Variants in CERS3 observed in about 807,000 individuals in gnomAD.
CERS3 encodes LAG1 homolog, ceramide synthase 3.
Under a neutral mutation model 50.3 loss-of-function variants are expected in CERS3, and 33 were observed. The ratio of observed to expected loss-of-function variants is 0.66; its 90% CI spans 0.50 to 0.88. CERS3 has a LOEUF of 0.88. Ranked by LOEUF, CERS3 falls within the 40% of genes least tolerant of loss-of-function variation. CERS3 has a pLI of 0.00. For synonymous variants in CERS3, 176 were observed against 155.2 expected (o/e 1.13, Z -0.99); for missense variants, 470 against 460.3 (o/e 1.02, Z -0.19).
At chr15:100,434,544 T>G (rs2033300247) in intron 11 of CERS3, among the ~76,000 whole-genome samples, 1 of 152,240 alleles carries the variant, frequency 6.6e-6, no homozygotes, top group African/African-American at 2.4e-5. Flanking sequence ...AGGTTTCTTT[T>G]GTGTCACACA....
intron 2 of CERS3, among the ~76,000 whole-genome samples, chr15:100,511,822 C>T (rs113944478): frequency 2.2e-4 from 3 of 13,400 alleles, no homozygotes; most frequent in South Asian, 2.8e-3. Flanking sequence ...CATAAGTCCA[C>T]TGGGAGCCTG....
chr15:100,519,158 CAA>C (rs11303130), intron 2 of CERS3, among the ~76,000 whole-genome samples: 129 of 144,552 alleles, frequency 8.9e-4, no homozygotes, highest in Admixed American at 1.3e-3. Flanking sequence ...GACTCCATCT[CAA>C]AAAAAAAAAA....
chr15:100,469,499 G>T lies in CERS3; in HGVS notation c.739-15C>A. 1 of 1,533,464 alleles carries T rather than the reference G, an allele frequency of 6.5e-7. No homozygotes were observed. The highest frequency in any genetic ancestry group is 9.0e-7 in the Non-Finnish European group (1 of 1,111,766). 95.0% of individuals were successfully genotyped at this position (1,533,464 alleles called of 1,614,324 possible). A position where few individuals can be genotyped will look rare whatever the true frequency, so the allele number is the denominator to read the frequency against. ...ATCTTAGCAGACTGCAAAAAAGAAA[G>T]AAACTGCAGATAAAGTGACAATAGC... On this transcript the variant is annotated splice_polypyrimidine_tract_variant and intron_variant, in intron 9 of 11. Coordinates refer to ENST00000679737, the MANE Select transcript of CERS3 (RefSeq NM_001378789.1).
chr15:100,449,829 T>C (rs1282554717), intron 11 of CERS3, among the ~76,000 whole-genome samples: 1 of 148,198 alleles, frequency 6.7e-6, no homozygotes, highest in Non-Finnish European at 1.5e-5. Context: ...CACGGAAACA[T>C]AAAAAAGCAA....
At chr15:100,503,077 G>C (rs2036060348) in intron 2 of CERS3, among the ~76,000 whole-genome samples, 1 of 152,126 alleles carries the variant, frequency 6.6e-6, no homozygotes. Context: ...GATCATTTTG[G>C]ACTTGGGATT....
intron 2 of CERS3, among the ~76,000 whole-genome samples, chr15:100,504,011 G>C (rs1393938): frequency 0.017 from 2,658 of 152,094 alleles, 86 homozygotes; most frequent in African/African-American, 0.06. Flanking sequence ...ATACAAGAGG[G>C]GAATACTGAA....
chr15:100,466,245 G>A (rs1265709367), intron 10 of CERS3, among the ~76,000 whole-genome samples: 2 of 149,302 alleles, frequency 1.3e-5, no homozygotes, highest in African/African-American at 4.9e-5. Context: ...ATTGTTTATG[G>A]GTAAGTAAGC....
At chr15:100,430,595 T>C (rs2033076058) in intron 11 of CERS3, among the ~76,000 whole-genome samples, 1 of 152,226 alleles carries the variant, frequency 6.6e-6, no homozygotes, top group Admixed American at 6.5e-5. Flanking sequence ...TTACTCATAA[T>C]GTCCCACTGC....
At position 100,418,119 on chromosome 15, in the gene CERS3, G is replaced by A. The variant is rs1237990175; in HGVS notation, c.1000-15254C>T. Among the ~76,000 whole-genome samples the A allele has an allele frequency of 7.9e-5, 12 of 152,030 alleles. No individual in the cohort carries two copies. The East Asian group carries it at 1.2e-3, about 15-fold the overall frequency. On this transcript the variant is annotated intron_variant, in intron 11 of 11. Coordinates refer to ENST00000679737, the MANE Select transcript of CERS3 (RefSeq NM_001378789.1). ...GAGCTGAGAGAAGAAGGCTTCAGAC[G>A]ATCAAATTACTCTGAGCTACGGGAG...
At chr15:100,440,627 AG>A (rs990340984) in intron 11 of CERS3, among the ~76,000 whole-genome samples, 3 of 151,882 alleles carry the variant, frequency 2.0e-5, no homozygotes, top group African/African-American at 7.3e-5. Flanking sequence ...CTGTGACTGG[AG>A]GGGGGGAACC....
intron 8 of CERS3, among the ~76,000 whole-genome samples, chr15:100,474,826 C>A (rs2035077183): frequency 6.6e-6 from 1 of 152,192 alleles, no homozygotes; most frequent in African/African-American, 2.4e-5. Context: ...CTAACTAGCT[C>A]AAGATGTTAG....
chr15:100,503,482 G>T (rs568387724), intron 2 of CERS3, among the ~76,000 whole-genome samples: 1 of 152,196 alleles, frequency 6.6e-6, no homozygotes, highest in South Asian at 2.1e-4. Context: ...TTGGCATTTA[G>T]CTGATAGGAC....
rs1176372694 is a variant in CERS3, at chr15:100,484,490, A to G, written c.407+60T>C. 4.3e-6 allele frequency: 5 copies of G among 1,159,720 alleles called. No individual in the cohort carries two copies. The African/African-American group carries it at 4.5e-5, about 11-fold the overall frequency. The allele number at this position is 1,159,720 out of a possible 1,614,324, so 71.8% of individuals were successfully genotyped here. On this transcript the variant is annotated intron_variant, in intron 5 of 11. Transcript: ENST00000679737. ...CTGCTCCGGCAGTATTCTCTCTGCA[A>G]GGACCACTCAGCTCCAGATAGGACG...
intron 11 of CERS3, among the ~76,000 whole-genome samples, chr15:100,418,581 C>T (rs1289762878): frequency 2.0e-4 from 29 of 143,148 alleles, no homozygotes; most frequent in East Asian, 6.0e-4. Flanking sequence ...ATACAGAGAA[C>T]GCCACAAAGA....
chr15:100,539,676 G>A (rs1193490659), intron 1 of CERS3, among the ~76,000 whole-genome samples: 1 of 151,234 alleles, frequency 6.6e-6, no homozygotes, highest in Non-Finnish European at 1.5e-5. Context: ...CTCGACACAT[G>A]TGGATTATGG....
chr15:100,453,151 A>G (rs1458513282), intron 11 of CERS3, among the ~76,000 whole-genome samples: 2 of 152,096 alleles, frequency 1.3e-5, no homozygotes, highest in Non-Finnish European at 2.9e-5. Flanking sequence ...CTCATTCTAC[A>G]AGGCCAGCGT....
In CERS3 at chr15:100,401,361, G is replaced by A. The variant is rs971611943; in HGVS notation, c.*1352C>T. Reference sequence around the variant, plus strand: ...AGGTCAGCCCTGCACATTGTGCCCAGGAGATGTGTCCCTCTGGTGACAAGG... The same window carrying A: ...AGGTCAGCCCTGCACATTGTGCCCAAGAGATGTGTCCCTCTGGTGACAAGG... On this transcript the variant is annotated 3_prime_UTR_variant, in exon 12 of 12. Transcript: ENST00000679737. 2 of 152,304 alleles carry A rather than the reference G, an allele frequency of 1.3e-5. No homozygotes were observed. Among genetic ancestry groups the A allele is most frequent in the African/African-American group, 4.8e-5 (2 of 41,456 alleles). 9.4% of individuals were successfully genotyped at this position (152,304 alleles called of 1,614,324 possible).
intron 11 of CERS3, among the ~76,000 whole-genome samples, chr15:100,409,301 T>C (rs932677101): frequency 2.0e-5 from 3 of 152,212 alleles, no homozygotes; most frequent in Non-Finnish European, 4.4e-5. Context: ...ATGTTCTACA[T>C]TCTATTTCAT....
chr15:100,454,631 G>C (rs549419320), intron 11 of CERS3, among the ~76,000 whole-genome samples: 1 of 152,062 alleles, frequency 6.6e-6, no homozygotes, highest in African/African-American at 2.4e-5. Context: ...AGTACTTCAG[G>C]GAAATACTTC....
Sources: gnomAD v4.1 joint callset for allele counts (sites outside exome capture counted in the v4.1 genomes callset) on GRCh38, gnomAD v4.1.1 for gene constraint, MANE v1.5 for transcripts, NCBI Gene and HGNC (gene_info 2026-07-23, HGNC 2026-07-21) for gene names.